ZNF385B: variants seen among roughly 807,000 people sequenced by gnomAD.
ZNF385B encodes the protein zinc finger protein 385B, also known as zinc finger protein 533.
A neutral mutation model predicts 39.2 loss-of-function variants in ZNF385B; 23 were observed. That is an observed-to-expected ratio of 0.59 (90% CI 0.42 to 0.83). The LOEUF (loss-of-function observed/expected upper bound fraction) is 0.83. Ranked by LOEUF, ZNF385B falls within the 40% of genes least tolerant of loss-of-function variation. The pLI is 0.00. For missense variants in ZNF385B, 552 were observed against 598.9 expected (o/e 0.92, Z 0.82); for synonymous variants, 205 against 222.6 (o/e 0.92, Z 0.70).
chr2:179,449,861 G>T (rs1362790905), intron 6 of ZNF385B, among the ~76,000 whole-genome samples: 5 of 152,080 alleles, frequency 3.3e-5, no homozygotes, highest in Admixed American at 6.5e-5. Flanking sequence ...ATACCACAAG[G>T]CTACAGTAAC....
At chr2:179,569,217 C>T (rs941476738) in intron 3 of ZNF385B, among the ~76,000 whole-genome samples, 1 of 152,140 alleles carries the variant, frequency 6.6e-6, no homozygotes, top group African/African-American at 2.4e-5. Context: ...CATACTTTTA[C>T]CACTATGTTA....
chr2:179,543,930 T>C (rs1274892959), intron 4 of ZNF385B, among the ~76,000 whole-genome samples: 2 of 152,212 alleles, frequency 1.3e-5, no homozygotes, highest in Non-Finnish European at 2.9e-5. Flanking sequence ...CTTCAGATGC[T>C]TGCTGTCTGG....
rs937287047 is a variant in ZNF385B at position 179,496,350 on chromosome 2, T to A, written c.553-12916A>T. On this transcript the variant is annotated intron_variant, in intron 5 of 9. Transcript: ENST00000410066. The stretch of plus-strand genomic sequence containing the variant: ...AGTATACCCACAGGATCTAAAAACA[T>A]AGCCTCGAAAGGGCAAATCTAAGAG... 4.6e-5 allele frequency among the ~76,000 whole-genome samples: 7 copies of A among 152,036 alleles called. No individual in the cohort carries two copies. The East Asian group carries it at 1.4e-3, about 29-fold the overall frequency.
At chr2:179,852,380 A>T (rs2105444031) in intron 1 of ZNF385B, among the ~76,000 whole-genome samples, 1 of 152,300 alleles carries the variant, frequency 6.6e-6, no homozygotes, top group South Asian at 2.1e-4. Flanking sequence ...TGGTTACAAA[A>T]ATACGGTGAG....
At chr2:179,770,440 A>T (rs1188365878) in intron 2 of ZNF385B, 81 bp downstream of exon 2, 1 of 152,418 alleles carries the variant, frequency 6.6e-6, no homozygotes, top group Non-Finnish European at 1.5e-5. Context: ...ATCAGCATAC[A>T]CCTGGGCATA....
At chr2:179,521,978 A>G (rs2058540548) in intron 4 of ZNF385B, among the ~76,000 whole-genome samples, 1 of 152,210 alleles carries the variant, frequency 6.6e-6, no homozygotes. Context: ...TCTGCTGTTT[A>G]TTATTAAATT....
intron 1 of ZNF385B, among the ~76,000 whole-genome samples, chr2:179,839,523 T>C (rs1293112441): frequency 6.6e-6 from 1 of 152,204 alleles, no homozygotes. Context: ...AATGTATCTG[T>C]TTATTCTAGT....
chr2:179,701,737 A>G (rs13405257), intron 3 of ZNF385B, among the ~76,000 whole-genome samples: 1 of 152,132 alleles, frequency 6.6e-6, no homozygotes, highest in African/African-American at 2.4e-5. Context: ...CTGCCACCTC[A>G]GGTGCCTTTG....
chr2:179,840,422 G>A (rs1030364794), intron 1 of ZNF385B, among the ~76,000 whole-genome samples: 1 of 152,184 alleles, frequency 6.6e-6, no homozygotes, highest in Non-Finnish European at 1.5e-5. Flanking sequence ...TAAGAGCAAC[G>A]TCATGATTAT....
At chr2:179,581,800 TAGAA>T (rs773111608) in intron 3 of ZNF385B, among the ~76,000 whole-genome samples, 11 of 152,336 alleles carry the variant, frequency 7.2e-5, no homozygotes, top group East Asian at 1.9e-4. Flanking sequence ...GTCATGCCCT[TAGAA>T]AGGTGTGTTT....
intron 3 of ZNF385B, among the ~76,000 whole-genome samples, chr2:179,681,006 G>C (rs1697461954): frequency 6.6e-6 from 1 of 151,528 alleles, no homozygotes; most frequent in Non-Finnish European, 1.5e-5. Flanking sequence ...TTGATCCCTG[G>C]ATCCTTTCTA....
intron 1 of ZNF385B, among the ~76,000 whole-genome samples, chr2:179,807,021 A>G (rs1434206495): frequency 1.3e-5 from 2 of 152,238 alleles, no homozygotes; most frequent in African/African-American, 4.8e-5. Context: ...GGCATTCGGA[A>G]GATATGTATT....
chr2:179,758,034 C>G (rs945081102), intron 3 of ZNF385B, among the ~76,000 whole-genome samples: 1 of 152,212 alleles, frequency 6.6e-6, no homozygotes, highest in African/African-American at 2.4e-5. Context: ...ATGCAGAAAT[C>G]ACCCATCTTC....
intron 3 of ZNF385B, among the ~76,000 whole-genome samples, chr2:179,677,316 T>A (rs747559495): frequency 2.0e-5 from 3 of 152,214 alleles, no homozygotes; most frequent in Non-Finnish European, 4.4e-5. Flanking sequence ...AATAGCTACT[T>A]GCCAAGATCT....
chr2:179,699,555 C>A (rs928338912), intron 3 of ZNF385B, among the ~76,000 whole-genome samples: 1 of 152,134 alleles, frequency 6.6e-6, no homozygotes, highest in Non-Finnish European at 1.5e-5. Flanking sequence ...AGAATAATTT[C>A]TTATTTGATT....
chr2:179,851,118 A>G (rs1379736738), intron 1 of ZNF385B, among the ~76,000 whole-genome samples: 1 of 152,116 alleles, frequency 6.6e-6, no homozygotes, highest in Non-Finnish European at 1.5e-5. Context: ...CCCTTCACCA[A>G]TCTCTTCAGT....
At chr2:179,551,723 C>A in intron 3 of ZNF385B, among the ~76,000 whole-genome samples, 1 of 152,030 alleles carries the variant, frequency 6.6e-6, no homozygotes, top group East Asian at 1.9e-4. Context: ...CTTGAGTATG[C>A]CCACAATCCC....
rs1250081275 is a variant in ZNF385B, at chr2:179,442,004, G to A, written c.*1246C>T. The A allele has an allele frequency of 6.6e-6, 1 of 152,402 alleles. No individual in the cohort carries two copies. Among genetic ancestry groups the A allele is most frequent in the African/African-American group, 2.4e-5 (1 of 41,352 alleles). The allele number at this position is 152,402 out of a possible 1,614,324, so 9.4% of individuals were successfully genotyped here. A position where few individuals can be genotyped will look rare whatever the true frequency, so the allele number is the denominator to read the frequency against. On this transcript the variant is annotated 3_prime_UTR_variant, in exon 10 of 10. Coordinates refer to ENST00000410066, the MANE Select transcript of ZNF385B (RefSeq NM_152520.6). ...AGATTTTATTTTTTGTACTTTTATT[G>A]AAAAGGTACATTTAAAAAAATACAC... is the stretch of plus-strand genomic sequence containing the variant.
chr2:179,700,058 A>AAC lies in ZNF385B; in HGVS notation c.298+69443_298+69444dup, dbSNP rs10563648. On this transcript the variant is annotated intron_variant, in intron 3 of 9. Transcript: ENST00000410066. ...TTTTCAAAACATACACAAACAGAAA[A>AAC]ACACACACACACACACACAAACAAA... 2.3e-3 allele frequency among the ~76,000 whole-genome samples: 338 copies of AAC among 148,676 alleles called. 3 individuals carry two copies. The highest frequency in any genetic ancestry group is 0.011 in the Admixed American group (166 of 14,928).
Sources: allele counts gnomAD v4.1 joint callset (sites outside exome capture counted in the v4.1 genomes callset), GRCh38; gene constraint gnomAD v4.1.1; transcripts MANE v1.5; gene names NCBI Gene and HGNC (gene_info 2026-07-23, HGNC 2026-07-21).